Variants in CDH4 observed in about 807,000 individuals in gnomAD.
The protein encoded by CDH4 is cadherin 4.
In CDH4, 33 loss-of-function variants were observed where a neutral mutation model predicts 86.0. That is an observed-to-expected ratio of 0.38 (90% CI 0.29 to 0.51). CDH4 has a LOEUF of 0.51. Among genes scored for constraint, CDH4 ranks in the 20% least tolerant of loss-of-function variants. The pLI is 0.86. For synonymous variants in CDH4, 555 were observed against 549.4 expected, an observed-to-expected ratio of 1.01 and a Z score of -0.14; for missense variants, 1,114 against 1,307.4, an observed-to-expected ratio of 0.85 and a Z score of 2.28.
Position 61,657,112 on chromosome 20 carries a change from C to T in CDH4, c.170-86451C>T, listed in dbSNP as rs76642337. Among the ~76,000 whole-genome samples, 744 of 152,356 alleles carry T rather than the reference C, an allele frequency of 4.9e-3. 8 individuals are homozygous for T. The highest frequency in any genetic ancestry group is 0.017 in the Middle Eastern group (5 of 294). ...AATGACTGGGCTTATGCCAAACGCA[C>T]GCTCAGTCCTTTAGGGTCCACCCAG... is the stretch of plus-strand genomic sequence containing the variant. On this transcript the variant is annotated intron_variant, in intron 2 of 15. Transcript: ENST00000614565.
At chr20:61,421,807 C>A (rs1357976973) in intron 2 of CDH4, among the ~76,000 whole-genome samples, 3 of 152,134 alleles carry the variant, frequency 2.0e-5, no homozygotes, top group Non-Finnish European at 4.4e-5. Flanking sequence ...TGATGGAGGC[C>A]CACTGGGTGT....
chr20:61,282,895 G>A (rs1274636616), intron 2 of CDH4, among the ~76,000 whole-genome samples: 5 of 152,124 alleles, frequency 3.3e-5, no homozygotes, highest in Non-Finnish European at 7.4e-5. Flanking sequence ...GCATTTGCAC[G>A]CGTGTGCTGT....
At chr20:61,394,168 C>T (rs1302999815) in intron 2 of CDH4, among the ~76,000 whole-genome samples, 2 of 152,144 alleles carry the variant, frequency 1.3e-5, no homozygotes, top group Non-Finnish European at 1.5e-5. Context: ...TCCTGGGGAA[C>T]ATTTTCCTCT....
chr20:61,265,667 C>G (rs1389260374), intron 2 of CDH4, among the ~76,000 whole-genome samples: 3 of 152,136 alleles, frequency 2.0e-5, no homozygotes, highest in African/African-American at 4.8e-5. Context: ...TCATTCAGTC[C>G]TACACATACC....
At chr20:61,682,926 T>C (rs1329970003) in intron 2 of CDH4, among the ~76,000 whole-genome samples, 1 of 152,146 alleles carries the variant, frequency 6.6e-6, no homozygotes, top group Non-Finnish European at 1.5e-5. Context: ...TATTTCCTTT[T>C]ATTTGTGAAA....
chr20:61,447,949 A>G (rs917709407), intron 2 of CDH4, among the ~76,000 whole-genome samples: 3 of 151,948 alleles, frequency 2.0e-5, no homozygotes, highest in Non-Finnish European at 2.9e-5. Context: ...TACTTTCCCA[A>G]CACTCTGAAG....
intron 4 of CDH4, among the ~76,000 whole-genome samples, chr20:61,819,186 C>T (rs1362941853): frequency 2.6e-5 from 4 of 152,222 alleles, no homozygotes; most frequent in Non-Finnish European, 4.4e-5. Context: ...GATAGACCCC[C>T]TCAGACAGCC....
intron 2 of CDH4, among the ~76,000 whole-genome samples, chr20:61,695,091 A>G (rs1416166800): frequency 6.6e-6 from 1 of 152,256 alleles, no homozygotes; most frequent in African/African-American, 2.4e-5. Context: ...CAAAACAGCC[A>G]TGTTTTCTGA....
At chr20:61,610,687 T>C (rs2086678540) in intron 2 of CDH4, among the ~76,000 whole-genome samples, 1 of 152,200 alleles carries the variant, frequency 6.6e-6, no homozygotes, top group Non-Finnish European at 1.5e-5. Context: ...AGGTCATATT[T>C]CCCCAAGTGT....
At chr20:61,910,005 C>T (rs2054831619) in intron 8 of CDH4, among the ~76,000 whole-genome samples, 1 of 152,274 alleles carries the variant, frequency 6.6e-6, no homozygotes. Flanking sequence ...TGCACGCCTG[C>T]TTCAGTGGGG....
intron 2 of CDH4, among the ~76,000 whole-genome samples, chr20:61,565,186 GGTCCTCTTGGTGGTGGTC>G (rs2086264850): frequency 9.6e-6 from 1 of 104,376 alleles, no homozygotes; most frequent in Admixed American, 9.3e-5. Flanking sequence ...TGGTGGTGGT[GGTCCTCTTGGTGGTGGTC>G]GCGGTGCTCT....
At chr20:61,840,618 G>A (rs58002242) in intron 4 of CDH4, among the ~76,000 whole-genome samples, 438 of 152,142 alleles carry the variant, frequency 2.9e-3, no homozygotes, top group African/African-American at 9.8e-3. Context: ...GGGTCTCCAC[G>A]GCATCCTAAG....
intron 4 of CDH4, among the ~76,000 whole-genome samples, chr20:61,823,644 T>C (rs962285738): frequency 2.6e-5 from 4 of 152,138 alleles, no homozygotes; most frequent in Non-Finnish European, 4.4e-5. Context: ...CCAGAGCTCT[T>C]TGTATCCCAA....
chr20:61,532,514 C>G (rs961486858), intron 2 of CDH4, among the ~76,000 whole-genome samples: 3 of 152,172 alleles, frequency 2.0e-5, no homozygotes, highest in Non-Finnish European at 4.4e-5. Flanking sequence ...CACCACCGTT[C>G]AGTAACAACA....
intron 2 of CDH4, among the ~76,000 whole-genome samples, chr20:61,648,046 A>G (rs544667083): frequency 4.6e-5 from 7 of 152,190 alleles, no homozygotes; most frequent in African/African-American, 1.7e-4. Context: ...TAGGGGCACG[A>G]CTCACTGCAG....
intron 2 of CDH4, among the ~76,000 whole-genome samples, chr20:61,548,013 T>C (rs2086101872): frequency 6.6e-6 from 1 of 152,162 alleles, no homozygotes; most frequent in Admixed American, 6.5e-5. Flanking sequence ...TTGCTTCCTG[T>C]GATTCCTCCT....
chr20:61,400,797 T>C (rs1401027584), intron 2 of CDH4, among the ~76,000 whole-genome samples: 1 of 152,178 alleles, frequency 6.6e-6, no homozygotes, highest in East Asian at 1.9e-4. Context: ...CCTCCGCTGG[T>C]ACCATCACCT....
intron 2 of CDH4, among the ~76,000 whole-genome samples, chr20:61,395,373 C>A (rs576534860): frequency 5.9e-5 from 9 of 152,214 alleles, no homozygotes; most frequent in East Asian, 3.9e-4. Flanking sequence ...AGCAGAAGAA[C>A]CTTTTTGCTC....
intron 6 of CDH4, among the ~76,000 whole-genome samples, chr20:61,855,715 T>A (rs1982969013): frequency 6.6e-6 from 1 of 152,218 alleles, no homozygotes; most frequent in South Asian, 2.1e-4. Flanking sequence ...CGTGGCCCCG[T>A]AAGTCCACGT....
Sources: gnomAD v4.1 joint callset for allele counts (sites outside exome capture counted in the v4.1 genomes callset) on GRCh38, gnomAD v4.1.1 for gene constraint, MANE v1.5 for transcripts, NCBI Gene and HGNC (gene_info 2026-07-23, HGNC 2026-07-21) for gene names.